Variants in CLNK observed in about 807,000 individuals in gnomAD.
CLNK encodes cytokine dependent hematopoietic cell linker.
A neutral mutation model predicts 68.6 loss-of-function variants in CLNK; 74 were observed. That is an observed-to-expected ratio of 1.08 (90% CI 0.89 to 1.31). The LOEUF (loss-of-function observed/expected upper bound fraction) is 1.31, where lower values mean the gene tolerates loss of function less well. Among genes scored for constraint, CLNK ranks in the 50% most tolerant of loss-of-function variants. The pLI, the probability that CLNK is intolerant of heterozygous loss-of-function variation, is 0.00. For missense variants in CLNK, 553 were observed against 515.3 expected, an observed-to-expected ratio of 1.07 and a Z score of -0.71; for synonymous variants, 198 against 172.2, an observed-to-expected ratio of 1.15 and a Z score of -1.17.
At chr4:10,729,952 T>C in the CLNK span, among the ~76,000 whole-genome samples, 2 of 152,358 alleles carry the variant, frequency 1.3e-5, no homozygotes, top group South Asian at 2.1e-4. Flanking sequence ...TGCCATTTGT[T>C]TTTGAAAAAC....
the CLNK span, among the ~76,000 whole-genome samples, chr4:10,698,391 T>C: frequency 6.6e-6 from 1 of 152,212 alleles, no homozygotes; most frequent in African/African-American, 2.4e-5. Context: ...CATGCCATTA[T>C]TACGCCCTTA....
chr4:10,493,042 C>A (rs67523049), intron 18 of CLNK, among the ~76,000 whole-genome samples: 2 of 152,038 alleles, frequency 1.3e-5, no homozygotes, highest in Non-Finnish European at 2.9e-5. Flanking sequence ...CTAGGCCAGG[C>A]GTGGTGGCTC....
At chr4:10,584,604 C>T (rs1385907361) in intron 4 of CLNK, among the ~76,000 whole-genome samples, 1 of 152,144 alleles carries the variant, frequency 6.6e-6, no homozygotes, top group Non-Finnish European at 1.5e-5. Context: ...ACTAGTGAGT[C>T]ACCATAAGAC....
At position 10,672,101 on chromosome 4, in the gene CLNK, AG is replaced by A. The variant is rs1724669155; in HGVS notation, c.-42-4191del. The stretch of plus-strand genomic sequence containing the variant: ...AGACAACCCTAAAAAAACCACCTAA[AG>A]TTCCTGCCTAACAATCAATAGGCAA... On this transcript the variant is annotated intron_variant, in intron 1 of 18. Transcript: ENST00000226951. 2.0e-5 allele frequency among the ~76,000 whole-genome samples: 3 copies of A among 152,178 alleles called. No homozygotes were observed. The South Asian group carries it at 6.2e-4, about 32-fold the overall frequency.
chr4:10,705,465 T>C, the CLNK span, among the ~76,000 whole-genome samples: 2 of 152,208 alleles, frequency 1.3e-5, no homozygotes, highest in African/African-American at 4.8e-5. Flanking sequence ...GAAGCAGTGC[T>C]GTGTTTCCTT....
chr4:10,552,703 G>T (rs751585623), intron 8 of CLNK, among the ~76,000 whole-genome samples: 1 of 152,038 alleles, frequency 6.6e-6, no homozygotes, highest in East Asian at 1.9e-4. Flanking sequence ...GGAAACCGCT[G>T]ACCTATGAGC....
chr4:10,685,610 A>G (rs1337074278), upstream of CLNK, among the ~76,000 whole-genome samples: 2 of 152,284 alleles, frequency 1.3e-5, no homozygotes, highest in Admixed American at 1.3e-4. Context: ...AAACTCCAAC[A>G]TTATTTACAA....
chr4:10,701,221 A>C, the CLNK span, among the ~76,000 whole-genome samples: 2 of 152,226 alleles, frequency 1.3e-5, no homozygotes, highest in African/African-American at 4.8e-5. Flanking sequence ...GCAAGCAGAC[A>C]TTGTCAATTT....
At chr4:10,497,239 A>G (rs1716847891) in intron 18 of CLNK, among the ~76,000 whole-genome samples, 1 of 152,240 alleles carries the variant, frequency 6.6e-6, no homozygotes, top group African/African-American at 2.4e-5. Context: ...ATTAATGGCT[A>G]ACTGCACAGA....
At chr4:10,654,735 A>G (rs967480525) in intron 2 of CLNK, among the ~76,000 whole-genome samples, 2 of 152,100 alleles carry the variant, frequency 1.3e-5, no homozygotes, top group African/African-American at 4.8e-5. Flanking sequence ...AATATACACT[A>G]CCAACAGACA....
At chr4:10,631,566 A>G (rs1722891725) in intron 2 of CLNK, among the ~76,000 whole-genome samples, 1 of 152,132 alleles carries the variant, frequency 6.6e-6, no homozygotes, top group African/African-American at 2.4e-5. Flanking sequence ...CTAGACATGT[A>G]TATGCAATGG....
chr4:10,559,096 G>A (rs533594342), intron 7 of CLNK, among the ~76,000 whole-genome samples: 8 of 152,292 alleles, frequency 5.3e-5, no homozygotes, highest in African/African-American at 1.9e-4. Context: ...ATTATTAAAG[G>A]CATTAGTGAA....
intron 3 of CLNK, among the ~76,000 whole-genome samples, chr4:10,596,216 G>A (rs1017436745): frequency 6.6e-6 from 1 of 151,986 alleles, no homozygotes; most frequent in African/African-American, 2.4e-5. Flanking sequence ...GTAGAGACGG[G>A]GTTTCTCCAT....
At chr4:10,624,866 CTTA>C (rs1408374664) in intron 2 of CLNK, among the ~76,000 whole-genome samples, 3 of 152,088 alleles carry the variant, frequency 2.0e-5, no homozygotes, top group African/African-American at 7.2e-5. Context: ...GAGAAATAGA[CTTA>C]CAGAAGGAGA....
the CLNK span, among the ~76,000 whole-genome samples, chr4:10,723,407 C>G: frequency 1.5e-4 from 23 of 152,158 alleles, no homozygotes; most frequent in Admixed American, 2.0e-4. Flanking sequence ...ACTTTTCCCA[C>G]TTAATAATCC....
intron 2 of CLNK, among the ~76,000 whole-genome samples, chr4:10,657,204 T>C (rs1415862774): frequency 6.6e-6 from 1 of 152,194 alleles, no homozygotes; most frequent in Non-Finnish European, 1.5e-5. Context: ...TGTAACATGA[T>C]TCTTTTGGCA....
At chr4:10,500,146 C>T (rs1716979818) in intron 18 of CLNK, among the ~76,000 whole-genome samples, 1 of 152,130 alleles carries the variant, frequency 6.6e-6, no homozygotes, top group Admixed American at 6.5e-5. Context: ...AATTGAAGCC[C>T]AGAGAAGTTA....
chr4:10,569,211 A>AT (rs1447806386), intron 5 of CLNK, among the ~76,000 whole-genome samples: 10 of 79,720 alleles, frequency 1.3e-4, no homozygotes, highest in Admixed American at 1.1e-3. Flanking sequence ...TTTTTTGGTC[A>AT]TTTTTCCATT....
chr4:10,703,319 C>T, the CLNK span, among the ~76,000 whole-genome samples: 2 of 152,096 alleles, frequency 1.3e-5, no homozygotes, highest in Non-Finnish European at 2.9e-5. Flanking sequence ...ACTCAATAAC[C>T]ATTTGTTGAG....
Sources: allele counts gnomAD v4.1 joint callset (sites outside exome capture counted in the v4.1 genomes callset), GRCh38; gene constraint gnomAD v4.1.1; transcripts MANE v1.5; gene names NCBI Gene and HGNC (gene_info 2026-07-23, HGNC 2026-07-21).